Variants in GRID2 observed in about 807,000 individuals in gnomAD.
The protein encoded by GRID2 is glutamate ionotropic receptor delta type subunit 2, also known as glutamate receptor ionotropic, delta-2.
A neutral mutation model predicts 114.8 loss-of-function variants in GRID2; 33 were observed. That is an observed-to-expected ratio of 0.29 (90% CI 0.22 to 0.38). The LOEUF (loss-of-function observed/expected upper bound fraction) is 0.38, where lower values mean the gene tolerates loss of function less well. Ranked by LOEUF, GRID2 falls within the 10% of genes least tolerant of loss-of-function variation. The pLI, the probability that GRID2 is intolerant of heterozygous loss-of-function variation, is 1.00. For missense variants in GRID2, 1,184 were observed against 1,257.7 expected, an observed-to-expected ratio of 0.94 and a Z score of 0.89; for synonymous variants, 505 against 449.9, an observed-to-expected ratio of 1.12 and a Z score of -1.55.
chr4:92,421,281 A>C (rs1032466839), intron 1 of GRID2, among the ~76,000 whole-genome samples: 1 of 152,080 alleles, frequency 6.6e-6, no homozygotes, highest in Non-Finnish European at 1.5e-5. Flanking sequence ...TGCTGAGTTC[A>C]TTCTATATAT....
intron 1 of GRID2, among the ~76,000 whole-genome samples, chr4:92,364,678 G>C (rs2110207384): frequency 6.6e-6 from 1 of 152,010 alleles, no homozygotes; most frequent in South Asian, 2.1e-4. Flanking sequence ...CAGAAGTAGA[G>C]AGTAGTTTTT....
At chr4:93,136,205 A>C (rs570174796) in intron 4 of GRID2, among the ~76,000 whole-genome samples, 25 of 150,278 alleles carry the variant, frequency 1.7e-4, no homozygotes, top group Admixed American at 1.4e-3. Context: ...CTGCTAAACT[A>C]TCCTGTGTTA....
chr4:92,623,606 G>A (rs917779463), intron 2 of GRID2, among the ~76,000 whole-genome samples: 2 of 151,734 alleles, frequency 1.3e-5, no homozygotes, highest in African/African-American at 2.4e-5. Context: ...AGTGGCATGT[G>A]TTCATGGCAA....
intron 10 of GRID2, among the ~76,000 whole-genome samples, chr4:93,439,032 A>G (rs1235901538): frequency 1.3e-5 from 2 of 152,084 alleles, no homozygotes; most frequent in Non-Finnish European, 2.9e-5. Flanking sequence ...TTATGGCTGC[A>G]TAGTATTCCA....
At chr4:93,174,410 T>C (rs891257333) in intron 4 of GRID2, among the ~76,000 whole-genome samples, 1 of 152,186 alleles carries the variant, frequency 6.6e-6, no homozygotes, top group Non-Finnish European at 1.5e-5. Flanking sequence ...TCAGTGGAAT[T>C]CTCTGGAGAT....
Position 93,455,951 on chromosome 4 carries a change from T to C in GRID2, c.1835T>C (p.Val612Ala). 1 of 1,602,344 alleles carries C rather than the reference T, an allele frequency of 6.2e-7. No individual in the cohort carries two copies. Residue 612 changes from valine to alanine, a missense_variant, in exon 11 of 16, where the codon GTG (valine) becomes GCG (alanine). This residue lies in a region of GRID2 where 717 missense variants were observed against 796.9 expected (regional missense o/e 0.90). Coordinates refer to ENST00000282020, the MANE Select transcript of GRID2 (RefSeq NM_001510.4). ...STTLYNSMWF[V>A]YGSFVQQGGE... ...ACTCTCTACAACTCCATGTGGTTTG[T>C]GTATGGATCTTTTGTACAACAAGGT...
chr4:92,930,578 ATTTT>A (rs35741890), intron 2 of GRID2, among the ~76,000 whole-genome samples: 2 of 119,500 alleles, frequency 1.7e-5, no homozygotes, highest in African/African-American at 6.3e-5. Flanking sequence ...CACTTTCGGC[ATTTT>A]TTTTTTTTTT....
At position 92,806,305 on chromosome 4, in the gene GRID2, A is replaced by C. The variant is rs549287979; in HGVS notation, c.244+216019A>C. Among the ~76,000 whole-genome samples the C allele has an allele frequency of 5.9e-5, 9 of 151,884 alleles. No homozygotes were observed. The South Asian group carries it at 1.9e-3, about 31-fold the overall frequency. On this transcript the variant is annotated intron_variant, in intron 2 of 15. Coordinates refer to ENST00000282020, the MANE Select transcript of GRID2 (RefSeq NM_001510.4). The stretch of plus-strand genomic sequence containing the variant: ...AAGGACTTAGAAAACTATCTCTTAC[A>C]CAAAGAATTTTTAAAAATACACTGG...
intron 2 of GRID2, among the ~76,000 whole-genome samples, chr4:92,901,851 C>A (rs1016124643): frequency 6.6e-5 from 10 of 151,278 alleles, no homozygotes; most frequent in Non-Finnish European, 1.5e-4. Flanking sequence ...GTGTCCTTGT[C>A]TTGCTTTGTA....
At chr4:92,535,554 A>G (rs1725575892) in intron 1 of GRID2, among the ~76,000 whole-genome samples, 1 of 152,172 alleles carries the variant, frequency 6.6e-6, no homozygotes, top group Non-Finnish European at 1.5e-5. Flanking sequence ...ATTTACATGG[A>G]ACAAAGTCAT....
At chr4:93,287,948 C>CA (rs1753352574) in intron 8 of GRID2, among the ~76,000 whole-genome samples, 1 of 152,134 alleles carries the variant, frequency 6.6e-6, no homozygotes, top group Non-Finnish European at 1.5e-5. Flanking sequence ...AATTAGGGGC[C>CA]ACTATTCTCC....
At chr4:92,607,612 T>C (rs1034835534) in intron 2 of GRID2, among the ~76,000 whole-genome samples, 26 of 151,910 alleles carry the variant, frequency 1.7e-4, no homozygotes, top group African/African-American at 5.6e-4. Context: ...ATCTCATATC[T>C]TTTTGTTTCC....
chr4:92,775,829 T>C (rs527377671), intron 2 of GRID2, among the ~76,000 whole-genome samples: 2 of 152,288 alleles, frequency 1.3e-5, no homozygotes, highest in Admixed American at 6.5e-5. Flanking sequence ...TCCTTCACAC[T>C]GTTCATTTCT....
At chr4:93,046,115 C>A (rs1036130604) in intron 2 of GRID2, among the ~76,000 whole-genome samples, 3 of 151,984 alleles carry the variant, frequency 2.0e-5, no homozygotes, top group African/African-American at 7.2e-5. Flanking sequence ...TATTTGAATC[C>A]AGGTAATAAA....
chr4:92,611,908 GATAC>G (rs1169938072), intron 2 of GRID2, among the ~76,000 whole-genome samples: 1 of 151,006 alleles, frequency 6.6e-6, no homozygotes, highest in Non-Finnish European at 1.5e-5. Context: ...TTTTTAATCA[GATAC>G]ATGTTTGCAA....
intron 2 of GRID2, among the ~76,000 whole-genome samples, chr4:92,956,237 T>A (rs1752399377): frequency 6.6e-6 from 1 of 152,162 alleles, no homozygotes; most frequent in Admixed American, 6.5e-5. Flanking sequence ...GACACATCAT[T>A]ACCAACCCGG....
chr4:93,126,668 G>T (rs1178941212), intron 4 of GRID2, among the ~76,000 whole-genome samples: 11 of 130,900 alleles, frequency 8.4e-5, no homozygotes, highest in Admixed American at 9.7e-5. Context: ...CGCGATCTCG[G>T]CTCACTGCAA....
intron 2 of GRID2, among the ~76,000 whole-genome samples, chr4:92,776,072 TA>T (rs1738779009): frequency 6.6e-6 from 1 of 152,258 alleles, no homozygotes; most frequent in East Asian, 1.9e-4. Context: ...AATCTCAGAT[TA>T]AAACTTTTAT....
chr4:92,639,517 C>T (rs1230379870), intron 2 of GRID2, among the ~76,000 whole-genome samples: 1 of 151,812 alleles, frequency 6.6e-6, no homozygotes, highest in Non-Finnish European at 1.5e-5. Context: ...TGTTCTGCCA[C>T]TTGTAACCTG....
Sources: gnomAD v4.1 joint callset for allele counts (sites outside exome capture counted in the v4.1 genomes callset) on GRCh38, gnomAD v4.1.1 for gene constraint, gnomAD v4.1.1 regional missense constraint, MANE v1.5 for transcripts, NCBI Gene and HGNC (gene_info 2026-07-23, HGNC 2026-07-21) for gene names.